ABLIM1: variants seen among roughly 807,000 people sequenced by gnomAD.
The protein encoded by ABLIM1 is actin-binding LIM protein 1.
In ABLIM1, 40 loss-of-function variants were observed where a neutral mutation model predicts 107.0. The observed-to-expected ratio is 0.37, with a 90% CI of 0.29 to 0.49. The LOEUF is 0.49. ABLIM1 is among the 20% of genes least tolerant of loss of function. The probability of loss-of-function intolerance (pLI) is 0.97; values close to 1 mark genes in which losing one functional copy is unlikely to be tolerated. For synonymous variants in ABLIM1, 357 were observed against 357.3 expected, an observed-to-expected ratio of 1.00 and a Z score of 0.01; for missense variants, 857 against 1,008.5, an observed-to-expected ratio of 0.85 and a Z score of 2.04.
At chr10:114,560,369 A>C (rs1383635215) in intron 4 of ABLIM1, among the ~76,000 whole-genome samples, 1 of 152,270 alleles carries the variant, frequency 6.6e-6, no homozygotes. Flanking sequence ...TCAATGACAG[A>C]CTGCATACAT....
chr10:114,444,797 G>A (rs1202037236), intron 16 of ABLIM1, among the ~76,000 whole-genome samples: 2 of 152,152 alleles, frequency 1.3e-5, no homozygotes, highest in African/African-American at 2.4e-5. Context: ...GCTGCTGCAG[G>A]CCCTTGCTAC....
rs539902217 is a variant in ABLIM1 at position 114,619,123 on chromosome 10, T to G, written c.245-17162A>C. Among the ~76,000 whole-genome samples the G allele has an allele frequency of 6.6e-6, 1 of 152,182 alleles. No individual in the cohort carries two copies. On this transcript the variant is annotated intron_variant, in intron 1 of 22. Transcript: ENST00000533213. The surrounding 1 kb of genome is among the most constrained non-coding windows in gnomAD (Gnocchi z 4.1). The stretch of plus-strand genomic sequence containing the variant: ...CTGCTGACAACTCACCTTTTGGACA[T>G]TCCTGAGGGAGGGGTGAACTCTCTC...
chr10:114,517,090 A>G (rs2062958947), intron 6 of ABLIM1, among the ~76,000 whole-genome samples: 1 of 152,114 alleles, frequency 6.6e-6, no homozygotes. Flanking sequence ...AGGAGGAAAA[A>G]CCTGAGAGGG....
At chr10:114,508,420 C>T (rs770598761) in intron 6 of ABLIM1, among the ~76,000 whole-genome samples, 24 of 152,306 alleles carry the variant, frequency 1.6e-4, no homozygotes, top group Non-Finnish European at 3.4e-4. Flanking sequence ...AAATATTGGC[C>T]AGATGCAATG....
chr10:114,627,889 G>A (rs1159700577), intron 1 of ABLIM1, among the ~76,000 whole-genome samples: 12 of 152,182 alleles, frequency 7.9e-5, no homozygotes, highest in South Asian at 2.1e-4. Context: ...TTGGGAGGCC[G>A]AGGCGGGTGG....
At chr10:114,632,964 G>T (rs2078278335) in intron 1 of ABLIM1, among the ~76,000 whole-genome samples, 1 of 152,136 alleles carries the variant, frequency 6.6e-6, no homozygotes, top group Non-Finnish European at 1.5e-5. Flanking sequence ...CCTGTGAGCT[G>T]AGGACTTCTG....
chr10:114,494,129 A>G (rs1392969142), intron 6 of ABLIM1, among the ~76,000 whole-genome samples: 2 of 152,352 alleles, frequency 1.3e-5, no homozygotes, highest in East Asian at 3.9e-4. Context: ...AGTTTATGAT[A>G]AAGGTAATGG....
chr10:114,596,769 T>C (rs1397918774), intron 2 of ABLIM1, among the ~76,000 whole-genome samples: 3 of 152,220 alleles, frequency 2.0e-5, no homozygotes, highest in Admixed American at 1.3e-4. Flanking sequence ...ATGTTCAGTG[T>C]CCCCTTTCTC....
At chr10:114,632,041 G>A (rs900083530) in intron 1 of ABLIM1, 8 of 1,264,500 alleles carry the variant, frequency 6.3e-6, no homozygotes, top group East Asian at 5.9e-5. Context: ...CCCGGCATCC[G>A]CTTGTGAGGT....
intron 2 of ABLIM1, among the ~76,000 whole-genome samples, chr10:114,579,600 C>T (rs192469947): frequency 6.6e-6 from 1 of 152,146 alleles, no homozygotes; most frequent in African/African-American, 2.4e-5. Context: ...ATGCATATAA[C>T]AAAAAATTTA....
intron 1 of ABLIM1, among the ~76,000 whole-genome samples, chr10:114,732,760 A>G (rs1380344139): frequency 6.6e-6 from 1 of 152,258 alleles, no homozygotes; most frequent in African/African-American, 2.4e-5. Context: ...GGAAAAGATT[A>G]ATAAATTAAT....
At chr10:114,490,958 C>T (rs2058839119) in intron 7 of ABLIM1, among the ~76,000 whole-genome samples, 2 of 140,980 alleles carry the variant, frequency 1.4e-5, no homozygotes, top group African/African-American at 2.7e-5. Flanking sequence ...TGTGAGCCAC[C>T]ACGCCCGGCA....
chr10:114,578,281 C>T (rs1197119323), intron 2 of ABLIM1, among the ~76,000 whole-genome samples: 1 of 152,230 alleles, frequency 6.6e-6, no homozygotes, highest in African/African-American at 2.4e-5. Context: ...TCCAAACACA[C>T]CCTTTCCTCA....
rs181861073 is a variant in ABLIM1 at position 114,629,297 on chromosome 10, G to A, written c.245-27336C>T. The stretch of plus-strand genomic sequence containing the variant: ...AGTCTATGCCACTCCTCCTTGGGCC[G>A]GCCATGTTCCTCGGGATGGACATTG... On this transcript the variant is annotated intron_variant, in intron 1 of 22. Transcript: ENST00000533213. The surrounding 1 kb of genome is among the most constrained non-coding windows in gnomAD (Gnocchi z 4.0). Among the ~76,000 whole-genome samples the A allele has an allele frequency of 1.2e-4, 18 of 152,216 alleles. No individual in the cohort carries two copies. Among genetic ancestry groups the A allele is most frequent in the African/African-American group, 2.2e-4 (9 of 41,536 alleles).
intron 1 of ABLIM1, among the ~76,000 whole-genome samples, chr10:114,668,956 C>G (rs961471851): frequency 6.6e-6 from 1 of 152,242 alleles, no homozygotes; most frequent in African/African-American, 2.4e-5. Context: ...GAAAAGGAAT[C>G]ACTGAACTGT....
chr10:114,447,314 T>G (rs759697373), intron 15 of ABLIM1, among the ~76,000 whole-genome samples: 2 of 152,240 alleles, frequency 1.3e-5, no homozygotes, highest in Non-Finnish European at 2.9e-5. Context: ...TAAAATCACA[T>G]AACTTCACAG....
intron 1 of ABLIM1, among the ~76,000 whole-genome samples, chr10:114,613,971 T>C (rs986220146): frequency 6.6e-5 from 10 of 152,126 alleles, no homozygotes; most frequent in African/African-American, 9.7e-5. Flanking sequence ...CTTATTTACC[T>C]TCAGAATGGC....
In ABLIM1 at chr10:114,474,021, C is replaced by A. The variant is rs2067087668; in HGVS notation, c.1042-65G>T. 4 of 1,263,752 alleles carry A rather than the reference C, an allele frequency of 3.2e-6. No individual in the cohort carries two copies. In the Admixed American group the frequency reaches 8.1e-5, roughly 26 times the overall value. 78.3% of individuals were successfully genotyped at this position (1,263,752 alleles called of 1,614,324 possible). ...GCTTCAGAATCTAGACTGTCCTGGGCCCTTAAGCTTTACTAAAAACTCAGC... is the reference window on the plus strand; with the variant it reads ...GCTTCAGAATCTAGACTGTCCTGGGACCTTAAGCTTTACTAAAAACTCAGC... On this transcript the variant is annotated intron_variant, in intron 8 of 22. Transcript: ENST00000533213.
chr10:114,568,818 A>C (rs1020675684), intron 4 of ABLIM1, among the ~76,000 whole-genome samples: 2 of 152,334 alleles, frequency 1.3e-5, no homozygotes, highest in African/African-American at 2.4e-5. Context: ...ATAATATTAA[A>C]CATGCAATGG....
Sources: allele counts gnomAD v4.1 joint callset (sites outside exome capture counted in the v4.1 genomes callset), GRCh38; gene constraint gnomAD v4.1.1; non-coding constraint Gnocchi (gnomAD v3.1); transcripts MANE v1.5; gene names NCBI Gene and HGNC (gene_info 2026-07-23, HGNC 2026-07-21).